THSD7A: variants seen among roughly 807,000 people sequenced by gnomAD.
The protein encoded by THSD7A is thrombospondin type 1 domain containing 7A.
THSD7A carries 96 observed loss-of-function variants against 231.3 expected under a neutral mutation model. The observed-to-expected ratio is 0.41, with a 90% CI of 0.35 to 0.49. The LOEUF (loss-of-function observed/expected upper bound fraction) is 0.49, where lower values mean the gene tolerates loss of function less well. THSD7A is among the 20% of genes least tolerant of loss of function. The pLI, the probability that THSD7A is intolerant of heterozygous loss-of-function variation, is 0.05. For missense variants in THSD7A, 2,290 were observed against 2,070.2 expected (o/e 1.11, Z -2.06); for synonymous variants, 940 against 743.3 (o/e 1.26, Z -4.30).
At chr7:11,504,716 T>C (rs1787473945) in intron 6 of THSD7A, among the ~76,000 whole-genome samples, 1 of 152,184 alleles carries the variant, frequency 6.6e-6, no homozygotes, top group African/African-American at 2.4e-5. Flanking sequence ...ATTGTGATAA[T>C]CATTTAGCAA....
chr7:11,814,384 C>G lies in THSD7A; in HGVS notation c.190+17373G>C, dbSNP rs981720328. ...TCATCTCATTTATAATAACATGGCACAAAAGTAATTTTCACTCTAATTTCC... is the reference window on the plus strand; with the variant it reads ...TCATCTCATTTATAATAACATGGCAGAAAAGTAATTTTCACTCTAATTTCC... On this transcript the variant is annotated intron_variant, in intron 1 of 27. Coordinates refer to ENST00000423059, the MANE Select transcript of THSD7A (RefSeq NM_015204.3). This position sits in a 1 kb window ranked among gnomAD's most constrained non-coding sequence, Gnocchi z 5.1. Among the ~76,000 whole-genome samples the G allele has an allele frequency of 6.6e-6, 1 of 152,104 alleles. No individual in the cohort carries two copies. The highest frequency in any genetic ancestry group is 2.4e-5 in the African/African-American group (1 of 41,410).
At chr7:11,514,023 C>A (rs1480714858) in intron 6 of THSD7A, among the ~76,000 whole-genome samples, 1 of 151,994 alleles carries the variant, frequency 6.6e-6, no homozygotes, top group Non-Finnish European at 1.5e-5. Flanking sequence ...GCTACGTGTG[C>A]ACCACCTCAA....
At chr7:11,804,301 T>C (rs2128182387) in intron 1 of THSD7A, among the ~76,000 whole-genome samples, 1 of 152,278 alleles carries the variant, frequency 6.6e-6, no homozygotes, top group Admixed American at 6.5e-5. Context: ...TCTCTTACTG[T>C]GAGTTCTCTG....
chr7:11,775,085 A>C (rs1783358499), intron 1 of THSD7A, among the ~76,000 whole-genome samples: 2 of 152,128 alleles, frequency 1.3e-5, no homozygotes, highest in African/African-American at 4.8e-5. Flanking sequence ...CAAAAACCTA[A>C]AGAGATAAAA....
At chr7:11,811,175 T>G (rs1228678859) in intron 1 of THSD7A, among the ~76,000 whole-genome samples, 1 of 152,170 alleles carries the variant, frequency 6.6e-6, no homozygotes, top group Non-Finnish European at 1.5e-5. Flanking sequence ...TTAACCAGAC[T>G]TTGATTAAGA....
intron 6 of THSD7A, among the ~76,000 whole-genome samples, chr7:11,498,973 C>T (rs1474531844): frequency 6.6e-6 from 1 of 152,182 alleles, no homozygotes; most frequent in African/African-American, 2.4e-5. Flanking sequence ...TCTTCAGCCA[C>T]CTTGCACTGG....
At position 11,421,224 on chromosome 7, in the gene THSD7A, G is replaced by A. The variant is rs112702920; in HGVS notation, c.3383+3472C>T. ...TGTCCCCACCCAAATCTCATGTTGG[G>A]GGAGGGACCTGGTAGGAGGTGATTG... is the stretch of plus-strand genomic sequence containing the variant. On this transcript the variant is annotated intron_variant, in intron 16 of 27. Transcript: ENST00000423059. Among the ~76,000 whole-genome samples, 845 of 152,232 alleles carry A rather than the reference G, an allele frequency of 5.6e-3. 10 individuals are homozygous for A. Among genetic ancestry groups the A allele is most frequent in the African/African-American group, 0.019 (807 of 41,540 alleles).
chr7:11,518,598 A>AACACAC lies in THSD7A; in HGVS notation c.1822+22815_1822+22820dup, dbSNP rs138134072. 2.6e-3 allele frequency among the ~76,000 whole-genome samples: 385 copies of AACACAC among 150,162 alleles called. 2 individuals are homozygous for AACACAC. The highest frequency in any genetic ancestry group is 4.9e-3 in the South Asian group (23 of 4,732). On this transcript the variant is annotated intron_variant, in intron 6 of 27. Transcript: ENST00000423059. ...TCCCTGTAGCTGGAAATAAAATAGA[A>AACACAC]ACACACACACACACACACACACGCA... is the stretch of plus-strand genomic sequence containing the variant.
In THSD7A at chr7:11,481,792, T is replaced by G; in HGVS notation, c.2013A>C (p.Glu671Asp). The change falls in exon 7 of 28, where the codon GAA becomes GAC. Residue 671 changes from glutamate (E) to aspartate (D), a missense_variant. Physicochemically the swap from Glu to Asp is conservative, Grantham distance 45. Coordinates refer to ENST00000423059, the MANE Select transcript of THSD7A (RefSeq NM_015204.3). ...RARSILAYAG[E>D]EGGIRCPNSS... ...CGTCTGAAGCTGGCGACTCACCTTC[T>G]TCACCCGCATAGGCCAGAATGGATC... The G allele has an allele frequency of 6.3e-7, 1 of 1,598,638 alleles. No individual in the cohort carries two copies. Among genetic ancestry groups the G allele is most frequent in the Non-Finnish European group, 8.5e-7 (1 of 1,171,172 alleles).
chr7:11,565,115 C>T (rs1173028358), intron 4 of THSD7A, among the ~76,000 whole-genome samples: 2 of 152,024 alleles, frequency 1.3e-5, no homozygotes, highest in African/African-American at 4.8e-5. Context: ...TCCAGCATAC[C>T]GTTATTGACT....
At chr7:11,470,694 CT>C (rs910944596) in intron 8 of THSD7A, among the ~76,000 whole-genome samples, 9 of 151,456 alleles carry the variant, frequency 5.9e-5, no homozygotes, top group African/African-American at 2.2e-4. Context: ...ACTACAATAT[CT>C]TTTTTGAAAC....
chr7:11,761,610 T>A (rs550822338), intron 1 of THSD7A, among the ~76,000 whole-genome samples: 1 of 152,278 alleles, frequency 6.6e-6, no homozygotes, highest in South Asian at 2.1e-4. Flanking sequence ...CAGTTTGTAG[T>A]ACTTCTTATC....
chr7:11,514,467 T>C (rs1202611529), intron 6 of THSD7A, among the ~76,000 whole-genome samples: 4 of 152,086 alleles, frequency 2.6e-5, no homozygotes, highest in African/African-American at 9.7e-5. Flanking sequence ...GTCAAAGCCA[T>C]CATGATAAAC....
chr7:11,396,452 A>G (rs931597169), intron 23 of THSD7A, among the ~76,000 whole-genome samples: 2 of 152,200 alleles, frequency 1.3e-5, no homozygotes, highest in African/African-American at 4.8e-5. Flanking sequence ...TAAAGGGGAT[A>G]TCATCACCGA....
intron 1 of THSD7A, among the ~76,000 whole-genome samples, chr7:11,774,956 G>A (rs1783353970): frequency 6.6e-6 from 1 of 152,152 alleles, no homozygotes. Flanking sequence ...TCGGGAGGCT[G>A]AGGCACGATA....
At chr7:11,604,041 C>G (rs926394089) in intron 2 of THSD7A, among the ~76,000 whole-genome samples, 28 of 149,794 alleles carry the variant, frequency 1.9e-4, no homozygotes, top group African/African-American at 6.9e-4. Flanking sequence ...AAAAAAAATG[C>G]CAAAAAAAAA....
intron 24 of THSD7A, among the ~76,000 whole-genome samples, chr7:11,382,035 C>T (rs1214451424): frequency 6.6e-6 from 1 of 152,096 alleles, no homozygotes; most frequent in Admixed American, 6.6e-5. Context: ...ACCAGTAGGT[C>T]TTCCCTATTA....
At chr7:11,798,987 A>T (rs780428747) in intron 1 of THSD7A, among the ~76,000 whole-genome samples, 1 of 151,866 alleles carries the variant, frequency 6.6e-6, no homozygotes, top group Admixed American at 6.6e-5. Context: ...CAGTGGCCCA[A>T]TCTTGGCTCA....
chr7:11,406,913 C>A lies in THSD7A; in HGVS notation c.4059G>T (p.Val1353=). ...WQYGQWSPCQ[V]QEAQCGEGTR... ...ACAACTTCTTGAGATTTGATACCTGCACTTGGCATGGAGACCACTGGCCAT... is the reference window on the plus strand; with the variant it reads ...ACAACTTCTTGAGATTTGATACCTGAACTTGGCATGGAGACCACTGGCCAT... The change falls in exon 21 of 28, where the codon GTG becomes GTT. Residue 1353 remains valine, a synonymous_variant. Coordinates refer to ENST00000423059, the MANE Select transcript of THSD7A (RefSeq NM_015204.3). The surrounding 1 kb of genome is among the most constrained non-coding windows in gnomAD (Gnocchi z 4.7). 2 of 1,613,764 alleles carry A rather than the reference C, an allele frequency of 1.2e-6. No homozygotes were observed. The highest frequency in any genetic ancestry group is 1.7e-6 in the Non-Finnish European group (2 of 1,179,806).
Sources: gnomAD v4.1 joint callset for allele counts (sites outside exome capture counted in the v4.1 genomes callset) on GRCh38, gnomAD v4.1.1 for gene constraint, Gnocchi (gnomAD v3.1) non-coding constraint, MANE v1.5 for transcripts, NCBI Gene and HGNC (gene_info 2026-07-23, HGNC 2026-07-21) for gene names.